Variants in ATRNL1 observed in about 807,000 individuals in gnomAD.
ATRNL1 encodes the protein attractin-like protein 1.
A neutral mutation model predicts 182.7 loss-of-function variants in ATRNL1; 95 were observed. The observed-to-expected ratio is 0.52, with a 90% CI of 0.44 to 0.62. The LOEUF (loss-of-function observed/expected upper bound fraction) is 0.62. Ranked by LOEUF, ATRNL1 falls within the 20% of genes least tolerant of loss-of-function variation. The pLI is 0.00. For synonymous variants in ATRNL1, 576 were observed against 568.3 expected (o/e 1.01, Z -0.19); for missense variants, 1,471 against 1,679.5 (o/e 0.88, Z 2.17).
chr10:115,389,563 T>TATATATATATATGTAC (rs1843893165), intron 19 of ATRNL1, among the ~76,000 whole-genome samples: 6 of 108,842 alleles, frequency 5.5e-5, no homozygotes, highest in African/African-American at 2.1e-4. Flanking sequence ...TATATATATA[T>TATATATATATATGTAC]ATATATATAT....
At chr10:115,106,663 G>C (rs1330463824) in intron 1 of ATRNL1, among the ~76,000 whole-genome samples, 1 of 152,084 alleles carries the variant, frequency 6.6e-6, no homozygotes, top group Non-Finnish European at 1.5e-5. Flanking sequence ...ATATCTGCTG[G>C]GTTTATCAGG....
chr10:115,386,660 A>G (rs568419469), intron 19 of ATRNL1, among the ~76,000 whole-genome samples: 14 of 150,286 alleles, frequency 9.3e-5, no homozygotes, highest in African/African-American at 3.4e-4. Flanking sequence ...TTTTTTTTTT[A>G]TTTTTATTTT....
chr10:115,858,411 C>G (rs1242613812), intron 28 of ATRNL1, among the ~76,000 whole-genome samples: 1 of 152,046 alleles, frequency 6.6e-6, no homozygotes, highest in Non-Finnish European at 1.5e-5. Context: ...AAGCTGAAAG[C>G]CATTATCCTG....
At chr10:115,445,578 G>T (rs1047345223) in intron 21 of ATRNL1, among the ~76,000 whole-genome samples, 1 of 137,130 alleles carries the variant, frequency 7.3e-6, no homozygotes, top group Non-Finnish European at 1.5e-5. Context: ...GACATGCCTG[G>T]ATGTCTGTAA....
At chr10:115,267,145 T>C in intron 12 of ATRNL1, 140 bp downstream of exon 12, 1 of 586,576 alleles carries the variant, frequency 1.7e-6, no homozygotes, top group South Asian at 2.5e-5. Flanking sequence ...ATTCTAATGT[T>C]TGAACCTAGT....
chr10:115,410,384 C>A (rs1365597436), intron 20 of ATRNL1, among the ~76,000 whole-genome samples: 17 of 151,242 alleles, frequency 1.1e-4, no homozygotes, highest in African/African-American at 4.1e-4. Flanking sequence ...TGCAGTGGCA[C>A]AATCTTGGCT....
At chr10:115,794,567 T>C (rs1949605775) in intron 27 of ATRNL1, among the ~76,000 whole-genome samples, 1 of 152,214 alleles carries the variant, frequency 6.6e-6, no homozygotes, top group South Asian at 2.1e-4. Flanking sequence ...TATTTTATAA[T>C]GGATTTTAGA....
rs375652330 is a variant in ATRNL1, at chr10:115,874,089, A to G, written c.4018+26098A>G. 9.2e-5 allele frequency among the ~76,000 whole-genome samples: 14 copies of G among 152,254 alleles called. No homozygotes were observed. The East Asian group carries it at 2.1e-3, about 23-fold the overall frequency. On this transcript the variant is annotated intron_variant, in intron 28 of 28. Coordinates refer to ENST00000355044, the MANE Select transcript of ATRNL1 (RefSeq NM_207303.4). ...CTTCATGTCTCCTCCACAGCTCTTCATGCTTGTCAACTTGGGGAAAGTCAT... is the reference window on the plus strand; with the variant it reads ...CTTCATGTCTCCTCCACAGCTCTTCGTGCTTGTCAACTTGGGGAAAGTCAT...
chr10:115,104,662 T>G (rs1281249948), intron 1 of ATRNL1, among the ~76,000 whole-genome samples: 1 of 152,084 alleles, frequency 6.6e-6, no homozygotes, highest in Non-Finnish European at 1.5e-5. Context: ...GTTGTAGTAG[T>G]TTCATAGTTT....
At chr10:115,219,419 A>G (rs1849359495) in intron 9 of ATRNL1, among the ~76,000 whole-genome samples, 1 of 152,116 alleles carries the variant, frequency 6.6e-6, no homozygotes, top group Non-Finnish European at 1.5e-5. Context: ...TCTATTGATG[A>G]CACAGTGAGT....
intron 27 of ATRNL1, among the ~76,000 whole-genome samples, chr10:115,845,334 A>G (rs922206962): frequency 1.2e-4 from 19 of 152,020 alleles, no homozygotes; most frequent in Non-Finnish European, 2.8e-4. Flanking sequence ...GTAATTTTTT[A>G]AAGGAAGATT....
rs1852110247 is a variant in ATRNL1 at position 115,276,492 on chromosome 10, T to G, written c.2101-4863T>G. Among the ~76,000 whole-genome samples, 3 of 152,340 alleles carry G rather than the reference T, an allele frequency of 2.0e-5. No individual in the cohort carries two copies. In the South Asian group the frequency reaches 6.2e-4, roughly 32 times the overall value. ...AAGGAAAACATTGGGTGAGATAGTG[T>G]AAGAGAGCAGATGGTACTCACTTGT... On this transcript the variant is annotated intron_variant, in intron 13 of 28. Coordinates refer to ENST00000355044, the MANE Select transcript of ATRNL1 (RefSeq NM_207303.4).
intron 28 of ATRNL1, among the ~76,000 whole-genome samples, chr10:115,933,119 C>T (rs955861511): frequency 1.3e-5 from 2 of 152,210 alleles, no homozygotes; most frequent in Admixed American, 6.5e-5. Flanking sequence ...CTGAGTTATG[C>T]TTATGGTGGG....
chr10:115,941,964 C>T (rs1446000269), intron 28 of ATRNL1, among the ~76,000 whole-genome samples: 2 of 152,184 alleles, frequency 1.3e-5, no homozygotes, highest in Admixed American at 1.3e-4. Flanking sequence ...CTTGTAATAA[C>T]TCTAAAACAT....
At chr10:115,640,654 T>G (rs1555029981) in intron 26 of ATRNL1, among the ~76,000 whole-genome samples, 1 of 152,212 alleles carries the variant, frequency 6.6e-6, no homozygotes, top group African/African-American at 2.4e-5. Context: ...TTTAAGTTCC[T>G]TGTAGATTCT....
chr10:115,706,236 T>C (rs782642992), intron 26 of ATRNL1, among the ~76,000 whole-genome samples: 2 of 151,918 alleles, frequency 1.3e-5, no homozygotes, highest in African/African-American at 2.4e-5. Context: ...CCTTGGCTCC[T>C]GGCCCTTGTC....
At chr10:115,235,263 A>G (rs1850131554) in intron 9 of ATRNL1, among the ~76,000 whole-genome samples, 1 of 152,152 alleles carries the variant, frequency 6.6e-6, no homozygotes, top group Non-Finnish European at 1.5e-5. Context: ...TAAACTTCTT[A>G]ATTTTGATCA....
chr10:115,336,912 C>T (rs1855507603), intron 19 of ATRNL1, among the ~76,000 whole-genome samples: 1 of 148,276 alleles, frequency 6.7e-6, no homozygotes, highest in Admixed American at 6.7e-5. Flanking sequence ...GTGGTGTGAT[C>T]TCGGCTCACT....
intron 27 of ATRNL1, among the ~76,000 whole-genome samples, chr10:115,839,171 T>G (rs1301087153): frequency 3.9e-5 from 6 of 152,182 alleles, no homozygotes; most frequent in Non-Finnish European, 8.8e-5. Flanking sequence ...TGTTTTAATT[T>G]AATGTTCCCT....
Sources: gnomAD v4.1 joint callset for allele counts (sites outside exome capture counted in the v4.1 genomes callset) on GRCh38, gnomAD v4.1.1 for gene constraint, MANE v1.5 for transcripts, NCBI Gene and HGNC (gene_info 2026-07-23, HGNC 2026-07-21) for gene names.